Variants in MAP2K1 observed in about 807,000 individuals in gnomAD.
MAP2K1 encodes the protein dual specificity mitogen-activated protein kinase kinase 1.
In MAP2K1, 16 loss-of-function variants were observed where a neutral mutation model predicts 46.3. The ratio of observed to expected loss-of-function variants is 0.35; its 90% confidence interval spans 0.23 to 0.52. The LOEUF is 0.52. Among genes scored for constraint, MAP2K1 ranks in the 20% least tolerant of loss-of-function variants. The probability of loss-of-function intolerance (pLI) is 0.94; values close to 1 mark genes in which losing one functional copy is unlikely to be tolerated. For synonymous variants in MAP2K1, 183 were observed against 185.6 expected, an observed-to-expected ratio of 0.99 and a Z score of 0.11; for missense variants, 263 against 497.1, an observed-to-expected ratio of 0.53 and a Z score of 4.48.
chr15:66,402,528 C>T (rs1274240167), intron 1 of MAP2K1, among the ~76,000 whole-genome samples: 1 of 152,176 alleles, frequency 6.6e-6, no homozygotes, highest in Admixed American at 6.5e-5. Context: ...AAAACTTCAG[C>T]AATTTTCGTG....
intron 1 of MAP2K1, among the ~76,000 whole-genome samples, chr15:66,424,335 G>C (rs913344591): frequency 1.3e-5 from 2 of 152,206 alleles, no homozygotes; most frequent in Admixed American, 1.3e-4. Flanking sequence ...TGGGATTACA[G>C]GCATGAGCCA....
At chr15:66,433,886 C>T (rs1359249695) in intron 1 of MAP2K1, among the ~76,000 whole-genome samples, 2 of 152,202 alleles carry the variant, frequency 1.3e-5, no homozygotes, top group Non-Finnish European at 2.9e-5. Context: ...AACCAACTCA[C>T]AGGAGTGATG....
At chr15:66,399,033 A>G (rs1490906014) in intron 1 of MAP2K1, among the ~76,000 whole-genome samples, 3 of 152,180 alleles carry the variant, frequency 2.0e-5, no homozygotes, top group Non-Finnish European at 4.4e-5. Context: ...GCGGCCTCCC[A>G]AAGTGCTGGG....
rs1181803913 is a variant in MAP2K1, at chr15:66,390,765, A to G, written c.80+3338A>G. Among the ~76,000 whole-genome samples the G allele has an allele frequency of 2.0e-5, 3 of 152,132 alleles. No individual in the cohort carries two copies. The East Asian group carries it at 5.8e-4, about 29-fold the overall frequency. ...CTCCTTATATTGGACTATGAGACTG[A>G]GTGATCTGCCTGTTGTCCCCACCAC... is the stretch of plus-strand genomic sequence containing the variant. On this transcript the variant is annotated intron_variant, in intron 1 of 10. Transcript: ENST00000307102.
At position 66,420,723 on chromosome 15, in the gene MAP2K1, G is replaced by GTA. The variant is rs1450803477; in HGVS notation, c.81-14303_81-14302insAT. On this transcript the variant is annotated intron_variant, in intron 1 of 10. Transcript: ENST00000307102. ...ACTCTTGGCATATATATATATATATGTGTGTGTGTGTGTGTGTGTGTGTGT... is the reference window on the plus strand; with the variant it reads ...ACTCTTGGCATATATATATATATATGTATGTGTGTGTGTGTGTGTGTGTGTGT... Among the ~76,000 whole-genome samples, 75 of 32,962 alleles carry GTA rather than the reference G, an allele frequency of 2.3e-3. 4 individuals carry two copies. Among genetic ancestry groups the GTA allele is most frequent in the African/African-American group, 8.1e-3 (61 of 7,556 alleles). The allele number at this position is 32,962 out of a possible 152,430, so 21.6% of individuals were successfully genotyped here.
intron 1 of MAP2K1, among the ~76,000 whole-genome samples, chr15:66,402,221 C>T (rs1041835035): frequency 2.0e-5 from 3 of 152,160 alleles, no homozygotes; most frequent in Non-Finnish European, 2.9e-5. Flanking sequence ...GTCATCTCTA[C>T]ACAACTAGCA....
At chr15:66,418,065 C>T (rs2093428601) in intron 1 of MAP2K1, among the ~76,000 whole-genome samples, 1 of 152,172 alleles carries the variant, frequency 6.6e-6, no homozygotes, top group Non-Finnish European at 1.5e-5. Flanking sequence ...AAGTACCCTC[C>T]ACAATGTGGG....
intron 1 of MAP2K1, among the ~76,000 whole-genome samples, chr15:66,433,759 G>T (rs2093480516): frequency 6.6e-6 from 1 of 152,158 alleles, no homozygotes; most frequent in Non-Finnish European, 1.5e-5. Flanking sequence ...CTTGTCACCT[G>T]TGTCACTTCA....
intron 1 of MAP2K1, among the ~76,000 whole-genome samples, chr15:66,422,186 T>C (rs2093445286): frequency 6.6e-6 from 1 of 152,166 alleles, no homozygotes; most frequent in Non-Finnish European, 1.5e-5. Context: ...CAGCAACTGA[T>C]TTCATTTATC....
intron 6 of MAP2K1, among the ~76,000 whole-genome samples, chr15:66,483,367 T>C (rs897745656): frequency 3.3e-5 from 5 of 152,136 alleles, no homozygotes; most frequent in Non-Finnish European, 7.3e-5. Flanking sequence ...GCTTCTTCCC[T>C]AAATGTCTAA....
intron 5 of MAP2K1, among the ~76,000 whole-genome samples, chr15:66,474,334 T>A (rs1235319765): frequency 6.6e-6 from 1 of 152,196 alleles, no homozygotes; most frequent in Non-Finnish European, 1.5e-5. Flanking sequence ...AAACAACCTC[T>A]GGTTCCTGCT....
intron 3 of MAP2K1, among the ~76,000 whole-genome samples, chr15:66,440,114 C>T (rs72750476): frequency 0.056 from 8,555 of 152,096 alleles, 344 homozygotes; most frequent in Middle Eastern, 0.11. Context: ...GTTTTTGAGA[C>T]AGGGTCTTGC....
chr15:66,481,540 G>A (rs1162820107), intron 5 of MAP2K1, among the ~76,000 whole-genome samples: 2 of 152,188 alleles, frequency 1.3e-5, no homozygotes, highest in African/African-American at 4.8e-5. Context: ...TACTTCTACA[G>A]CAGCTGCTCA....
rs1251638148 is a variant in MAP2K1, at chr15:66,490,484, T to C, written c.1069-18T>C. On this transcript the variant is annotated intron_variant, in intron 10 of 10. Transcript: ENST00000307102. ...TGTTTCTTTTTAACACCACGTCCTC[T>C]CGTTTCCTTACATGCAGGTTCATGC... The C allele has an allele frequency of 6.4e-7, 1 of 1,560,960 alleles. No homozygotes were observed. The highest frequency in any genetic ancestry group is 8.8e-7 in the Non-Finnish European group (1 of 1,131,418).
At chr15:66,488,141 C>T (rs907984270) in intron 8 of MAP2K1, among the ~76,000 whole-genome samples, 1 of 152,184 alleles carries the variant, frequency 6.6e-6, no homozygotes, top group African/African-American at 2.4e-5. Context: ...TGCTGGCACA[C>T]AGCCCCTCTG....
chr15:66,472,856 AT>A (rs1300296180), intron 5 of MAP2K1, among the ~76,000 whole-genome samples: 3 of 152,232 alleles, frequency 2.0e-5, no homozygotes, highest in Non-Finnish European at 4.4e-5. Context: ...GGTCACATAA[AT>A]ATGGTGACCT....
chr15:66,466,876 A>G (rs1401273419), intron 5 of MAP2K1, among the ~76,000 whole-genome samples: 2 of 152,198 alleles, frequency 1.3e-5, no homozygotes, highest in Admixed American at 6.5e-5. Context: ...TCCATGAGTC[A>G]TGAAAGTTTT....
chr15:66,448,608 T>G (rs1490495123), intron 5 of MAP2K1, among the ~76,000 whole-genome samples: 1 of 152,230 alleles, frequency 6.6e-6, no homozygotes, highest in Admixed American at 6.5e-5. Context: ...CATGGCAGAC[T>G]TGTAGTTGGA....
chr15:66,446,265 C>A (rs1272612347), intron 5 of MAP2K1, among the ~76,000 whole-genome samples: 1 of 151,530 alleles, frequency 6.6e-6, no homozygotes, highest in Non-Finnish European at 1.5e-5. Flanking sequence ...ACGATGAAAC[C>A]CTATCTCTAC....
Sources: gnomAD v4.1 joint callset for allele counts (sites outside exome capture counted in the v4.1 genomes callset) on GRCh38, gnomAD v4.1.1 for gene constraint, MANE v1.5 for transcripts, NCBI Gene and HGNC (gene_info 2026-07-23, HGNC 2026-07-21) for gene names.